Variants in IFRD1 observed in about 807,000 individuals in gnomAD.
IFRD1 encodes interferon related developmental regulator 1.
Under a neutral mutation model 52.9 loss-of-function variants are expected in IFRD1, and 35 were observed. That is an observed-to-expected ratio of 0.66 (90% CI 0.51 to 0.88). The LOEUF (loss-of-function observed/expected upper bound fraction) is 0.88, where lower values mean the gene tolerates loss of function less well. Ranked by LOEUF, IFRD1 falls within the 40% of genes least tolerant of loss-of-function variation. The pLI is 0.00. For missense variants in IFRD1, 517 were observed against 550.8 expected (o/e 0.94, Z 0.61); for synonymous variants, 184 against 188.4 (o/e 0.98, Z 0.19).
At chr7:112,447,898 T>C (rs1795064430), upstream of IFRD1, among the ~76,000 whole-genome samples, 1 of 151,102 alleles carries the variant, frequency 6.6e-6, no homozygotes, top group Non-Finnish European at 1.5e-5. Context: ...GTACTTCATG[T>C]TTGTAGTGAT....
chr7:112,445,365 C>T (rs73428456), intron 1 of IFRD1, among the ~76,000 whole-genome samples: 4,412 of 151,906 alleles, frequency 0.029, 170 homozygotes, highest in African/African-American at 0.09. Context: ...CCCGCCCGGC[C>T]GGCCTAGGCT....
intron 1 of IFRD1, among the ~76,000 whole-genome samples, chr7:112,439,519 G>A (rs1414952142): frequency 6.6e-6 from 1 of 152,186 alleles, no homozygotes; most frequent in Non-Finnish European, 1.5e-5. Flanking sequence ...TGGTCTAGGG[G>A]TAGGGGATGG....
chr7:112,438,656 T>G (rs1325073468), intron 1 of IFRD1, among the ~76,000 whole-genome samples: 1 of 152,080 alleles, frequency 6.6e-6, no homozygotes, highest in Non-Finnish European at 1.5e-5. Context: ...AACTTGAGAC[T>G]AGAAGATACC....
rs398005875 is a variant in IFRD1, at chr7:112,454,857, G to GTT, written c.95-880_95-879dup. ...AAATAATTATTTCATCTTCATATCA[G>GTT]TTTTTTTTTTTTTTTTTTTTTTTTT... On this transcript the variant is annotated intron_variant, in intron 1 of 11. Transcript: ENST00000403825. Among the ~76,000 whole-genome samples the GTT allele has an allele frequency of 2.3e-3, 183 of 78,796 alleles. 14 individuals carry two copies. In the South Asian group the frequency reaches 0.025, roughly 11 times the overall value. 51.7% of individuals were successfully genotyped at this position (78,796 alleles called of 152,430 possible). A position where few individuals can be genotyped will look rare whatever the true frequency, so the allele number is the denominator to read the frequency against.
rs1405308929 is a variant in IFRD1, at chr7:112,450,515, C to T, written c.-174C>T. 4.6e-6 allele frequency: 3 copies of T among 649,750 alleles called. No individual in the cohort carries two copies. The highest frequency in any genetic ancestry group is 8.5e-6 in the Non-Finnish European group (3 of 350,918). The allele number at this position is 649,750 out of a possible 1,614,324, so 40.2% of individuals were successfully genotyped here. The stretch of plus-strand genomic sequence containing the variant: ...TATCGTTTTCGATCACAGCTCTTCA[C>T]GGGGATTTCTGCTGCCGCCACCGCC... On this transcript the variant is annotated 5_prime_UTR_variant, in exon 1 of 12. In the 5' UTR this introduces an upstream ATG that the reference lacks. Transcript: ENST00000403825.
At position 112,476,731 on chromosome 7, in the gene IFRD1, C is replaced by T. The variant is rs1187832145; in HGVS notation, c.*1212C>T. 5.9e-5 allele frequency: 9 copies of T among 152,162 alleles called. No individual in the cohort carries two copies. Among genetic ancestry groups the T allele is most frequent in the Admixed American group, 2.0e-4 (3 of 15,282 alleles). The allele number at this position is 152,162 out of a possible 1,614,324, so 9.4% of individuals were successfully genotyped here. On this transcript the variant is annotated 3_prime_UTR_variant, in exon 12 of 12. Transcript: ENST00000403825. ...TTTTATGAAAAGCATTTTGACAACA[C>T]GTTAACATTTAATAAACTTTAGATT...
intron 1 of IFRD1, chr7:112,452,063 A>G (rs1795179010): frequency 4.1e-6 from 4 of 981,582 alleles, no homozygotes; most frequent in Non-Finnish European, 4.8e-6. Flanking sequence ...TTTATTTTGA[A>G]TGCTCTCCAT....
Position 112,476,906 on chromosome 7 carries a change from T to G in IFRD1, c.*1387T>G, listed in dbSNP as rs1584507889. 1 of 152,162 alleles carries G rather than the reference T, an allele frequency of 6.6e-6. No homozygotes were observed. Among genetic ancestry groups the G allele is most frequent in the East Asian group, 1.9e-4 (1 of 5,172 alleles). The allele number at this position is 152,162 out of a possible 1,614,324, so 9.4% of individuals were successfully genotyped here. On this transcript the variant is annotated 3_prime_UTR_variant, in exon 12 of 12. Coordinates refer to ENST00000403825, the MANE Select transcript of IFRD1 (RefSeq NM_001550.4). ...TTAAGGTCTTTTTTCCAAACTAGTGTTCCCCTCCCACATCCCAACAACTCT... is the reference window on the plus strand; with the variant it reads ...TTAAGGTCTTTTTTCCAAACTAGTGGTCCCCTCCCACATCCCAACAACTCT...
intron 8 of IFRD1, among the ~76,000 whole-genome samples, chr7:112,463,894 ACC>A (rs1187236509): frequency 0.041 from 722 of 17,612 alleles, 7 homozygotes; most frequent in Non-Finnish European, 0.1. Context: ...ACACACACAC[ACC>A]CCACGTATCT....
At chr7:112,437,764 G>A (rs1365624700) in intron 1 of IFRD1, among the ~76,000 whole-genome samples, 1 of 151,944 alleles carries the variant, frequency 6.6e-6, no homozygotes, top group East Asian at 1.9e-4. Flanking sequence ...TGGGATTATG[G>A]ATGGGATAAG....
intron 1 of IFRD1, among the ~76,000 whole-genome samples, chr7:112,424,144 G>A (rs1794379046): frequency 1.3e-5 from 2 of 152,142 alleles, no homozygotes; most frequent in African/African-American, 2.4e-5. Context: ...GCCAGCAGGT[G>A]GGGGTTTACT....
At chr7:112,442,919 T>TA (rs1338940420) in intron 1 of IFRD1, among the ~76,000 whole-genome samples, 1 of 152,228 alleles carries the variant, frequency 6.6e-6, no homozygotes, top group Non-Finnish European at 1.5e-5. Flanking sequence ...GAAAAAATGA[T>TA]AAATATCTGT....
intron 1 of IFRD1, among the ~76,000 whole-genome samples, chr7:112,444,894 C>T (rs1794981104): frequency 6.6e-6 from 1 of 152,006 alleles, no homozygotes; most frequent in African/African-American, 2.4e-5. Context: ...ACCTCAGCAT[C>T]ATGCAATATA....
At chr7:112,437,635 G>A (rs1794737764) in intron 1 of IFRD1, among the ~76,000 whole-genome samples, 1 of 151,560 alleles carries the variant, frequency 6.6e-6, no homozygotes, top group South Asian at 2.1e-4. Context: ...TAATCACTAA[G>A]GGCTATGCTA....
At chr7:112,462,632 C>A (rs1795470362) in intron 8 of IFRD1, among the ~76,000 whole-genome samples, 1 of 152,092 alleles carries the variant, frequency 6.6e-6, no homozygotes, top group African/African-American at 2.4e-5. Context: ...GTTTAGGGAT[C>A]CTCATGGAGA....
Position 112,455,498 on chromosome 7 carries a change from ACAAAAC to A in IFRD1, c.95-264_95-259del, listed in dbSNP as rs1304802546. ...GCTCTGTCTCAAAAAAACAAAAAAA[ACAAAAC>A]AAAACAAAAAAAAGAATGCCTCTTG... On this transcript the variant is annotated intron_variant, in intron 1 of 11. Coordinates refer to ENST00000403825, the MANE Select transcript of IFRD1 (RefSeq NM_001550.4). Among the ~76,000 whole-genome samples the A allele has an allele frequency of 4.9e-5, 5 of 102,522 alleles. No individual in the cohort carries two copies. The East Asian group carries it at 8.5e-3, about 175-fold the overall frequency. The allele number at this position is 102,522 out of a possible 152,430, so 67.3% of individuals were successfully genotyped here. A position where few individuals can be genotyped will look rare whatever the true frequency, so the allele number is the denominator to read the frequency against.
At chr7:112,446,679 G>C (rs1230092378), upstream of IFRD1, among the ~76,000 whole-genome samples, 1 of 152,202 alleles carries the variant, frequency 6.6e-6, no homozygotes, top group Non-Finnish European at 1.5e-5. Context: ...TGAATGGCAA[G>C]TGTGGGAAGC....
rs114941725 is a variant in IFRD1, at chr7:112,429,747, C to T, written c.-182+6315C>T. 2.7e-3 allele frequency among the ~76,000 whole-genome samples: 408 copies of T among 152,116 alleles called. 1 individual carries two copies. The highest frequency in any genetic ancestry group is 9.1e-3 in the African/African-American group (378 of 41,524). On this transcript the variant is annotated intron_variant, in intron 1 of 12. Transcript: ENST00000005558. ...AAACAAGGCATATTCTTTTTTCTTT[C>T]GGGATAAGGCAGGCCTAGCATCTTC...
intron 8 of IFRD1, among the ~76,000 whole-genome samples, chr7:112,462,840 C>A (rs1474758853): frequency 6.6e-6 from 1 of 151,990 alleles, no homozygotes; most frequent in Non-Finnish European, 1.5e-5. Context: ...CTCATTAAGA[C>A]TGGGACATGT....
Sources: allele counts gnomAD v4.1 joint callset (sites outside exome capture counted in the v4.1 genomes callset), GRCh38; gene constraint gnomAD v4.1.1; transcripts MANE v1.5; gene names NCBI Gene and HGNC (gene_info 2026-07-23, HGNC 2026-07-21).